Variants in SLC35F1 observed in about 807,000 individuals in gnomAD.
The protein encoded by SLC35F1 is chromosome 6 open reading frame 169.
SLC35F1 carries 14 observed loss-of-function variants against 48.7 expected under a neutral mutation model. The ratio of observed to expected loss-of-function variants is 0.29; its 90% CI spans 0.19 to 0.45. SLC35F1 has a LOEUF of 0.45. SLC35F1 is among the 20% of genes least tolerant of loss of function. The probability of loss-of-function intolerance (pLI) is 1.00; values close to 1 mark genes in which losing one functional copy is unlikely to be tolerated. For synonymous variants in SLC35F1, 190 were observed against 202.2 expected, an observed-to-expected ratio of 0.94 and a Z score of 0.51; for missense variants, 404 against 500.0, an observed-to-expected ratio of 0.81 and a Z score of 1.83.
chr6:117,967,411 A>C (rs543484717), intron 1 of SLC35F1, among the ~76,000 whole-genome samples: 1 of 152,356 alleles, frequency 6.6e-6, no homozygotes, highest in East Asian at 1.9e-4. Context: ...AGTAATCAGC[A>C]AAAAGGTACT....
At chr6:117,980,743 GTGAAAGAGAATCAA>G (rs930184868) in intron 1 of SLC35F1, among the ~76,000 whole-genome samples, 2 of 152,178 alleles carry the variant, frequency 1.3e-5, no homozygotes, top group African/African-American at 4.8e-5. Context: ...TGAAGAGTCT[GTGAAAGAGAATCAA>G]TTTTGTGGGG....
intron 1 of SLC35F1, among the ~76,000 whole-genome samples, chr6:118,125,466 C>A (rs1361931180): frequency 2.6e-5 from 4 of 151,938 alleles, no homozygotes; most frequent in Non-Finnish European, 5.9e-5. Context: ...TGAAAATGAG[C>A]AAATTTTGCC....
intron 2 of SLC35F1, among the ~76,000 whole-genome samples, chr6:118,181,238 A>T (rs972179031): frequency 6.6e-6 from 1 of 152,276 alleles, no homozygotes; most frequent in African/African-American, 2.4e-5. Context: ...ACAAATATTA[A>T]TTGTTCAAAT....
At chr6:117,963,074 A>G (rs1776518561) in intron 1 of SLC35F1, among the ~76,000 whole-genome samples, 2 of 152,178 alleles carry the variant, frequency 1.3e-5, no homozygotes, top group Admixed American at 1.3e-4. Context: ...TGGATTTGTA[A>G]CACTTGCCAA....
At chr6:117,908,028 A>G in intron 1 of SLC35F1, 129 bp downstream of exon 1, 7 of 924,550 alleles carry the variant, frequency 7.6e-6, no homozygotes, top group Non-Finnish European at 8.5e-6. Context: ...GACTGAGGAG[A>G]TCGGGCGACG....
intron 1 of SLC35F1, among the ~76,000 whole-genome samples, chr6:118,126,245 C>G (rs187827995): frequency 4.4e-4 from 67 of 152,230 alleles, no homozygotes; most frequent in Middle Eastern, 6.8e-3. Context: ...TGGATTAATT[C>G]ATGTCAAATG....
At chr6:118,255,052 G>A (rs1775625079) in intron 3 of SLC35F1, among the ~76,000 whole-genome samples, 1 of 152,158 alleles carries the variant, frequency 6.6e-6, no homozygotes, top group Admixed American at 6.5e-5. Flanking sequence ...TACTCTCAAT[G>A]TAAGAGAGAG....
chr6:117,964,286 A>G (rs1001724288), intron 1 of SLC35F1, among the ~76,000 whole-genome samples: 2 of 152,212 alleles, frequency 1.3e-5, no homozygotes, highest in African/African-American at 4.8e-5. Flanking sequence ...CCTTCACAAC[A>G]TATTGGGAAT....
At chr6:118,277,605 A>G in intron 6 of SLC35F1, 59 bp downstream of exon 6, 5 of 1,475,680 alleles carry the variant, frequency 3.4e-6, no homozygotes, top group Non-Finnish European at 4.7e-6. Context: ...TGTTTGAAGA[A>G]TGATGTGGGT....
intron 1 of SLC35F1, among the ~76,000 whole-genome samples, chr6:117,956,788 C>T (rs913373874): frequency 2.6e-5 from 4 of 152,162 alleles, no homozygotes; most frequent in Non-Finnish European, 5.9e-5. Context: ...AGACTGTGGA[C>T]AGTTAATATT....
At chr6:118,311,980 A>G (rs1776377606) in intron 7 of SLC35F1, among the ~76,000 whole-genome samples, 2 of 152,176 alleles carry the variant, frequency 1.3e-5, no homozygotes. Flanking sequence ...TATCTAATTT[A>G]ATATTTTAAC....
intron 1 of SLC35F1, among the ~76,000 whole-genome samples, chr6:118,043,417 A>C (rs1445487410): frequency 4.0e-5 from 6 of 151,362 alleles, no homozygotes; most frequent in Non-Finnish European, 8.8e-5. Flanking sequence ...ATTTTTCTTA[A>C]ATGGACTTTT....
chr6:118,041,044 A>G (rs1462816479), intron 1 of SLC35F1, among the ~76,000 whole-genome samples: 1 of 152,142 alleles, frequency 6.6e-6, no homozygotes, highest in African/African-American at 2.4e-5. Context: ...AGAAATATGA[A>G]AAAGACTTAA....
chr6:117,975,312 T>C (rs1582595207), intron 1 of SLC35F1, among the ~76,000 whole-genome samples: 2 of 152,218 alleles, frequency 1.3e-5, no homozygotes, highest in East Asian at 1.9e-4. Context: ...GAAATTTTGA[T>C]TAGAGTTAAC....
At chr6:118,251,547 C>T (rs1415953387) in intron 3 of SLC35F1, among the ~76,000 whole-genome samples, 2 of 151,960 alleles carry the variant, frequency 1.3e-5, no homozygotes, top group African/African-American at 4.8e-5. Flanking sequence ...GACTTATAAG[C>T]CATATTCATG....
chr6:118,235,402 C>A, intron 2 of SLC35F1, 107 bp from the exon 3 acceptor site: 1 of 1,077,688 alleles, frequency 9.3e-7, no homozygotes, highest in Non-Finnish European at 1.3e-6. Context: ...ATTTGGTAAA[C>A]TTTAGGTTAA....
chr6:118,197,989 T>C (rs1774825058), intron 2 of SLC35F1, among the ~76,000 whole-genome samples: 1 of 152,166 alleles, frequency 6.6e-6, no homozygotes, highest in Non-Finnish European at 1.5e-5. Context: ...GAAAGAAAAT[T>C]TTCTTTTATT....
chr6:118,267,179 T>C, intron 4 of SLC35F1, 25 bp downstream of exon 4: 1 of 1,613,064 alleles, frequency 6.2e-7, no homozygotes, highest in Non-Finnish European at 8.5e-7. Flanking sequence ...GTTCACCAGG[T>C]TCCTTACCTC....
chr6:118,167,183 CA>C (rs1206640916), intron 2 of SLC35F1, among the ~76,000 whole-genome samples: 1 of 152,084 alleles, frequency 6.6e-6, no homozygotes, highest in Non-Finnish European at 1.5e-5. Context: ...TCCAAGTTCA[CA>C]GATAAGAGGA....
Sources: allele counts gnomAD v4.1 joint callset (sites outside exome capture counted in the v4.1 genomes callset), GRCh38; gene constraint gnomAD v4.1.1; transcripts MANE v1.5; gene names NCBI Gene and HGNC (gene_info 2026-07-23, HGNC 2026-07-21).